Variants in ACTR8 observed in about 807,000 individuals in gnomAD.
ACTR8 encodes the protein actin-related protein 8.
ACTR8 carries 70 observed loss-of-function variants against 84.3 expected under a neutral mutation model. The observed-to-expected ratio is 0.83, with a 90% confidence interval of 0.68 to 1.01. ACTR8 has a LOEUF of 1.01. Ranked by LOEUF, ACTR8 falls within the 50% of genes least tolerant of loss-of-function variation. The pLI, the probability that ACTR8 is intolerant of heterozygous loss-of-function variation, is 0.00. For missense variants in ACTR8, 672 were observed against 775.4 expected (o/e 0.87, Z 1.58); for synonymous variants, 268 against 275.2 (o/e 0.97, Z 0.26).
chr3:53,873,635 C>T (rs1385385628), intron 8 of ACTR8, among the ~76,000 whole-genome samples: 1 of 152,174 alleles, frequency 6.6e-6, no homozygotes, highest in Non-Finnish European at 1.5e-5. Context: ...GGTTTATCTT[C>T]ATCTTTTATC....
Position 53,874,329 on chromosome 3 carries a change from C to A in ACTR8, c.947G>T (p.Arg316Ile). 1 of 1,614,148 alleles carries A rather than the reference C, an allele frequency of 6.2e-7. No individual in the cohort carries two copies. Among genetic ancestry groups the A allele is most frequent in the Non-Finnish European group, 8.5e-7 (1 of 1,180,016 alleles). Residue 316 changes from arginine (R) to isoleucine (I), a missense_variant, in exon 8 of 13, where the codon AGA (arginine) becomes ATA (isoleucine). Transcript: ENST00000335754. ...CLAYGGSDVS[R>I]CFYWLMQRAG... is the part of the protein sequence containing the mutation. ...TCGCTGCATTAGCCAGTAAAAACAT[C>A]TTGACACATCAGATCCTCCGTATGC...
chr3:53,871,432 C>A lies in ACTR8; in HGVS notation c.1367G>T (p.Arg456Leu), dbSNP rs753279053. ...TTCTGGAAGATCAGAGGACTGGCCACGAAGATCCCCTTCAAATCCAATAGG... is the reference window on the plus strand; with the variant it reads ...TTCTGGAAGATCAGAGGACTGGCCAAGAAGATCCCCTTCAAATCCAATAGG... ...SKPIGFEGDLRGQSSDLPERL... is the reference protein window; with the variant it reads ...SKPIGFEGDLLGQSSDLPERL... Residue 456 changes from arginine to leucine, a missense_variant, in exon 11 of 13, where the codon CGT (arginine) becomes CTT (leucine). By Grantham distance (102) the Arg-to-Leu change is moderately radical. Transcript: ENST00000335754. 18 of 1,614,058 alleles carry A rather than the reference C, an allele frequency of 1.1e-5. No homozygotes were observed. Among genetic ancestry groups the A allele is most frequent in the Non-Finnish European group, 1.5e-5 (18 of 1,180,028 alleles).
At chr3:53,881,664 AC>A in intron 1 of ACTR8, 1 of 470,056 alleles carries the variant, frequency 2.1e-6, no homozygotes, top group South Asian at 2.1e-5. Flanking sequence ...GCTGGTTATC[AC>A]CGTGGTCGTT....
chr3:53,878,807 G>A (rs1430807361), intron 2 of ACTR8, among the ~76,000 whole-genome samples: 1 of 152,242 alleles, frequency 6.6e-6, no homozygotes, highest in South Asian at 2.1e-4. Context: ...CTGAAGAAGA[G>A]AGCAAGACCC....
downstream of ACTR8, among the ~76,000 whole-genome samples, chr3:53,864,171 A>C (rs1699682326): frequency 6.6e-6 from 1 of 152,160 alleles, no homozygotes; most frequent in Non-Finnish European, 1.5e-5. Flanking sequence ...CTGAAAAGAG[A>C]AGGCTTGGTT....
At chr3:53,864,634 T>C (rs372801719), downstream of ACTR8, 19 of 807,192 alleles carry the variant, frequency 2.4e-5, no homozygotes, top group African/African-American at 2.2e-4. Context: ...AACAAGGCCC[T>C]TGGTGCTCAG....
rs1262640487 is a variant in ACTR8 at position 53,868,296 on chromosome 3, TACTAG to T, written c.*418_*422del. The T allele has an allele frequency of 3.9e-5, 6 of 155,590 alleles. No homozygotes were observed. The highest frequency in any genetic ancestry group is 1.4e-4 in the African/African-American group (6 of 41,512). The allele number at this position is 155,590 out of a possible 1,614,324, so 9.6% of individuals were successfully genotyped here. A position where few individuals can be genotyped will look rare whatever the true frequency, so the allele number is the denominator to read the frequency against. On this transcript the variant is annotated 3_prime_UTR_variant, in exon 13 of 13. Transcript: ENST00000335754. ...CAGACAACTTTAGATCCTAATGAAA[TACTAG>T]ACAAGAGAGAAAATGGCATGAGTGG...
chr3:53,872,191 A>C (rs747765294), intron 10 of ACTR8, among the ~76,000 whole-genome samples, 193 bp downstream of exon 10: 5 of 152,248 alleles, frequency 3.3e-5, no homozygotes, highest in Non-Finnish European at 2.9e-5. Context: ...GCATTCAGAA[A>C]ATTAATGTTT....
At chr3:53,872,615 G>A in intron 9 of ACTR8, 91 bp from the exon 10 acceptor site, 3 of 1,403,618 alleles carry the variant, frequency 2.1e-6, no homozygotes, top group African/African-American at 2.9e-5. Context: ...AAACAAAACT[G>A]GCAGATCAGA....
At position 53,877,274 on chromosome 3, in the gene ACTR8, A is replaced by G; in HGVS notation, c.624T>C (p.Ile208=). The change falls in exon 5 of 13, where the codon ATT becomes ATC. Residue 208 remains isoleucine (I), a synonymous_variant. Transcript: ENST00000335754. The part of the protein sequence containing the change: ...GGSLTAVLAD[I]EVIWSHAIQK... Reference sequence around the variant, plus strand: ...GTATCGCATGAGACCATATTACTTCAATATCTGCCAGAACAGCTGTAAGAG... The same window carrying G: ...GTATCGCATGAGACCATATTACTTCGATATCTGCCAGAACAGCTGTAAGAG... The G allele has an allele frequency of 6.2e-7, 1 of 1,614,038 alleles. No homozygotes were observed. The highest frequency in any genetic ancestry group is 8.5e-7 in the Non-Finnish European group (1 of 1,179,982).
chr3:53,879,817 T>C (rs1700030822), intron 2 of ACTR8, 122 bp downstream of exon 2: 15 of 1,021,570 alleles, frequency 1.5e-5, no homozygotes, highest in Non-Finnish European at 2.1e-5. Context: ...TTAGTGACAT[T>C]ATTAATGTTT....
intron 5 of ACTR8, 92 bp downstream of exon 5, chr3:53,877,122 A>G: frequency 7.9e-7 from 1 of 1,258,174 alleles, no homozygotes; most frequent in Non-Finnish European, 1.1e-6. Context: ...ATGTTTCAAG[A>G]AGGACACTAT....
intron 1 of ACTR8, 47 bp downstream of exon 1, chr3:53,881,932 G>A (rs1559796692): frequency 1.7e-5 from 26 of 1,552,324 alleles, no homozygotes; most frequent in South Asian, 9.5e-5. Flanking sequence ...CCTGGCAGCG[G>A]AGGACCCAAG....
At chr3:53,869,781 G>C (rs2107049492) in intron 12 of ACTR8, among the ~76,000 whole-genome samples, 1 of 152,296 alleles carries the variant, frequency 6.6e-6, no homozygotes, top group East Asian at 1.9e-4. Flanking sequence ...GAGCACGGCA[G>C]GGGAAAGCAG....
Position 53,877,241 on chromosome 3 carries a change from G to C in ACTR8, c.657C>G (p.Tyr219Ter), listed in dbSNP as rs1158363853. 2 of 1,604,858 alleles carry C rather than the reference G, an allele frequency of 1.2e-6. No homozygotes were observed. The highest frequency in any genetic ancestry group is 2.7e-5 in the African/African-American group (2 of 74,564). The change falls in exon 5 of 13, where the codon TAC becomes TAG. Residue 219 changes from tyrosine (Y) to a stop codon, truncating the protein, a stop_gained. Coordinates refer to ENST00000335754, the MANE Select transcript of ACTR8 (RefSeq NM_022899.5). LOFTEE classifies it high-confidence loss of function. ...EVIWSHAIQK[Y>*]LEIPLKDLKY... ...TTAAATCTTTCAGTGGGATTTCCAA[G>C]TATTTTTGTATCGCATGAGACCATA...
chr3:53,862,966 C>G (rs564611731), downstream of ACTR8, among the ~76,000 whole-genome samples: 3 of 152,306 alleles, frequency 2.0e-5, no homozygotes, highest in East Asian at 3.9e-4. Context: ...CCTAAGTCAG[C>G]AAGACTAACC....
In ACTR8 at chr3:53,882,054, G is replaced by A. The variant is rs58746828; in HGVS notation, c.48C>T (p.Gly16=). 13,193 of 1,551,628 alleles carry A rather than the reference G, an allele frequency of 8.5e-3. 1,015 individuals carry two copies. The African/African-American group carries it at 0.16, about 19-fold the overall frequency. The part of the protein sequence containing the change: ...KGDTENGKEK[G]GEKEKEQRGV... ...CGCGCTGCTCCTTCTCCTTCTCGCC[G>A]CCCTTCTCCTTTCCGTTCTCCGTAT... is the stretch of plus-strand genomic sequence containing the variant. Residue 16 remains glycine, a synonymous_variant, in exon 1 of 13, where the codon GGC becomes GGT. Coordinates refer to ENST00000335754, the MANE Select transcript of ACTR8 (RefSeq NM_022899.5).
At position 53,868,542 on chromosome 3, in the gene ACTR8, T is replaced by C; in HGVS notation, c.*177A>G. 2.1e-6 allele frequency: 2 copies of C among 969,622 alleles called. No homozygotes were observed. Among genetic ancestry groups the C allele is most frequent in the Non-Finnish European group, 3.0e-6 (2 of 670,830 alleles). The allele number at this position is 969,622 out of a possible 1,614,324, so 60.1% of individuals were successfully genotyped here. A position where few individuals can be genotyped will look rare whatever the true frequency, so the allele number is the denominator to read the frequency against. ...TTCTCAAATGCCCTGACTAAACTGC[T>C]CAAAAGCAGTTTATATTTTCAAACC... On this transcript the variant is annotated 3_prime_UTR_variant, in exon 13 of 13. Transcript: ENST00000335754.
downstream of ACTR8, chr3:53,865,821 T>C (rs1699764697): frequency 6.5e-6 from 1 of 153,186 alleles, no homozygotes; most frequent in African/African-American, 2.4e-5. Context: ...TGATCTATTA[T>C]ATGTGTAACC....
Sources: allele counts gnomAD v4.1 joint callset (sites outside exome capture counted in the v4.1 genomes callset), GRCh38; gene constraint gnomAD v4.1.1; transcripts MANE v1.5; gene names NCBI Gene and HGNC (gene_info 2026-07-23, HGNC 2026-07-21).